Variants in FAR1 observed in about 807,000 individuals in gnomAD.
FAR1 encodes the protein fatty acyl-CoA reductase 1.
A neutral mutation model predicts 61.1 loss-of-function variants in FAR1; 22 were observed. The observed-to-expected ratio is 0.36, with a 90% CI of 0.26 to 0.51. The LOEUF (loss-of-function observed/expected upper bound fraction) is 0.51. Ranked by LOEUF, FAR1 falls within the 20% of genes least tolerant of loss-of-function variation. The probability of loss-of-function intolerance (pLI) is 0.95; values close to 1 mark genes in which losing one functional copy is unlikely to be tolerated. For missense variants in FAR1, 359 were observed against 626.9 expected (o/e 0.57, Z 4.56); for synonymous variants, 206 against 209.7 (o/e 0.98, Z 0.15).
Position 13,686,428 on chromosome 11 carries a change from A to T in FAR1, c.-7-8331A>T, listed in dbSNP as rs990253466. On this transcript the variant is annotated intron_variant, in intron 1 of 11. Transcript: ENST00000354817. Reference sequence around the variant, plus strand: ...GTATCTGAAATAATCAGCTAACATTATGTTAAAAGTTTTAATTAATTTGAG... The same window carrying T: ...GTATCTGAAATAATCAGCTAACATTTTGTTAAAAGTTTTAATTAATTTGAG... 3 of 152,312 alleles carry T rather than the reference A, an allele frequency of 2.0e-5. No homozygotes were observed. In the South Asian group the frequency reaches 6.2e-4, roughly 32 times the overall value. 9.4% of individuals were successfully genotyped at this position (152,312 alleles called of 1,614,324 possible).
intron 9 of FAR1, among the ~76,000 whole-genome samples, chr11:13,718,404 C>T (rs189176982): frequency 6.4e-4 from 97 of 152,188 alleles, no homozygotes; most frequent in Non-Finnish European, 1.1e-3. Context: ...TTCTATATTC[C>T]ATATAACCAG....
intron 10 of FAR1, chr11:13,723,362 C>CAAAAAAA (rs71313446): frequency 5.4e-5 from 14 of 259,992 alleles, no homozygotes; most frequent in Admixed American, 1.2e-4. Context: ...GAGAGTCTCT[C>CAAAAAAA]AAAAAAAAAA....
In FAR1 at chr11:13,721,877, G is replaced by C; in HGVS notation, c.1257+18G>C. ...ATAAAAAGGCAAGCAAGTATTTTCT[G>C]TTTTATATTAGAAAATAAGTAGCAT... On this transcript the variant is annotated intron_variant, in intron 10 of 11. Transcript: ENST00000354817. The surrounding 1 kb of genome is among the most constrained non-coding windows in gnomAD (Gnocchi z 4.2). 1 of 1,571,402 alleles carries C rather than the reference G, an allele frequency of 6.4e-7. No individual in the cohort carries two copies. The highest frequency in any genetic ancestry group is 2.3e-5 in the East Asian group (1 of 43,828).
chr11:13,700,721 T>G (rs1848361657), intron 3 of FAR1, among the ~76,000 whole-genome samples: 1 of 152,128 alleles, frequency 6.6e-6, no homozygotes, highest in African/African-American at 2.4e-5. Flanking sequence ...GCCATGAATT[T>G]AAACATGCAA....
At position 13,721,563 on chromosome 11, in the gene FAR1, A is replaced by T; in HGVS notation, c.1128-167A>T. ...TGGATTTATAAATTGTTCATCCAAG[A>T]TGCAGAAATAGTCTTATTCCCTGCT... On this transcript the variant is annotated intron_variant, in intron 9 of 11. Transcript: ENST00000354817. This position sits in a 1 kb window ranked among gnomAD's most constrained non-coding sequence, Gnocchi z 4.2. The T allele has an allele frequency of 1.8e-6, 1 of 541,744 alleles. No homozygotes were observed. The highest frequency in any genetic ancestry group is 3.1e-6 in the Non-Finnish European group (1 of 322,420). 33.6% of individuals were successfully genotyped at this position (541,744 alleles called of 1,614,324 possible). A position where few individuals can be genotyped will look rare whatever the true frequency, so the allele number is the denominator to read the frequency against.
chr11:13,718,483 A>G (rs1848577099), intron 9 of FAR1, among the ~76,000 whole-genome samples: 1 of 152,158 alleles, frequency 6.6e-6, no homozygotes, highest in Non-Finnish European at 1.5e-5. Context: ...TAAGGCTTCC[A>G]TTAATAATGT....
At chr11:13,687,691 T>C (rs1848202763) in intron 1 of FAR1, among the ~76,000 whole-genome samples, 1 of 152,184 alleles carries the variant, frequency 6.6e-6, no homozygotes, top group South Asian at 2.1e-4. Flanking sequence ...CTTTTCAAAT[T>C]AGTGCGGCTT....
chr11:13,720,388 A>C (rs985007918), intron 9 of FAR1: 2 of 152,140 alleles, frequency 1.3e-5, no homozygotes, highest in Non-Finnish European at 2.9e-5. Flanking sequence ...ATAATCACCT[A>C]ATCTTTTCTA....
intron 1 of FAR1, among the ~76,000 whole-genome samples, chr11:13,688,278 A>T (rs1051806462): frequency 6.6e-6 from 1 of 151,790 alleles, no homozygotes; most frequent in African/African-American, 2.4e-5. Context: ...TGTGTAAGTC[A>T]TTATAGTAGT....
At chr11:13,722,843 CCTCT>C (rs140943706) in intron 10 of FAR1, among the ~76,000 whole-genome samples, 1 of 143,086 alleles carries the variant, frequency 7.0e-6, no homozygotes, top group African/African-American at 2.6e-5. Flanking sequence ...TAGATTTCTC[CCTCT>C]CTCTCTCTCT....
chr11:13,729,864 G>A lies in FAR1; in HGVS notation c.*1090G>A, dbSNP rs1848705151. ...AATAAAATAATGCTTAAGATAATGT[G>A]TACGAAATTAAATAAAGGACTTTAT... On this transcript the variant is annotated 3_prime_UTR_variant, in exon 12 of 12. Coordinates refer to ENST00000354817, the MANE Select transcript of FAR1 (RefSeq NM_032228.6). 6.6e-6 allele frequency: 1 copy of A among 152,378 alleles called. No individual in the cohort carries two copies. The highest frequency in any genetic ancestry group is 1.5e-5 in the Non-Finnish European group (1 of 67,886). The allele number at this position is 152,378 out of a possible 1,614,324, so 9.4% of individuals were successfully genotyped here.
intron 1 of FAR1, among the ~76,000 whole-genome samples, chr11:13,691,143 C>T (rs773470801): frequency 1.4e-4 from 22 of 152,186 alleles, no homozygotes; most frequent in Admixed American, 6.5e-5. Flanking sequence ...CTGATGAGAG[C>T]TGCTCCCTGC....
In FAR1 at chr11:13,731,375, T is replaced by C. The variant is rs568513006; in HGVS notation, c.*2601T>C. 1 of 152,646 alleles carries C rather than the reference T, an allele frequency of 6.6e-6. No individual in the cohort carries two copies. The highest frequency in any genetic ancestry group is 1.5e-5 in the Non-Finnish European group (1 of 67,984). The allele number at this position is 152,646 out of a possible 1,614,324, so 9.5% of individuals were successfully genotyped here. A position where few individuals can be genotyped will look rare whatever the true frequency, so the allele number is the denominator to read the frequency against. On this transcript the variant is annotated 3_prime_UTR_variant, in exon 12 of 12. Coordinates refer to ENST00000354817, the MANE Select transcript of FAR1 (RefSeq NM_032228.6). The stretch of plus-strand genomic sequence containing the variant: ...GTTGTCTATAGGAATTAACTTGGGA[T>C]TGTTTTGTGGGTTTTTGTTTGTTTT...
At chr11:13,705,926 T>C (rs1347726460) in intron 3 of FAR1, among the ~76,000 whole-genome samples, 1 of 152,194 alleles carries the variant, frequency 6.6e-6, no homozygotes, top group Non-Finnish European at 1.5e-5. Context: ...CCCCATTGTT[T>C]TGCAAATGTG....
At position 13,676,297 on chromosome 11, in the gene FAR1, A is replaced by G. The variant is rs184071833; in HGVS notation, c.-8+7491A>G. Among the ~76,000 whole-genome samples the G allele has an allele frequency of 1.4e-3, 220 of 152,340 alleles. 1 individual carries two copies. Among genetic ancestry groups the G allele is most frequent in the African/African-American group, 5.1e-3 (212 of 41,592 alleles). ...TTTCACTAAAGATTTTGGAATAAGCATGTGGTACTTTATTTATGGCTCCTG... is the reference window on the plus strand; with the variant it reads ...TTTCACTAAAGATTTTGGAATAAGCGTGTGGTACTTTATTTATGGCTCCTG... On this transcript the variant is annotated intron_variant, in intron 1 of 11. Transcript: ENST00000354817.
intron 1 of FAR1, among the ~76,000 whole-genome samples, chr11:13,688,674 C>G (rs1314062171): frequency 6.6e-6 from 1 of 152,016 alleles, no homozygotes; most frequent in Non-Finnish European, 1.5e-5. Context: ...AAATAAAGCT[C>G]AAAGAATTAG....
chr11:13,714,916 CT>C (rs1422803522), intron 9 of FAR1, among the ~76,000 whole-genome samples: 2 of 152,156 alleles, frequency 1.3e-5, no homozygotes, highest in Non-Finnish European at 2.9e-5. Flanking sequence ...CTAAGTCTTA[CT>C]TTAGGCTTCT....
chr11:13,711,978 A>G lies in FAR1; in HGVS notation c.819A>G (p.Ala273=). 1 of 1,613,468 alleles carries G rather than the reference A, an allele frequency of 6.2e-7. No individual in the cohort carries two copies. The highest frequency in any genetic ancestry group is 8.5e-7 in the Non-Finnish European group (1 of 1,179,546). ...TACGTGCCTCCAACAATGCCCTTGC[A>G]GATCTTGTTCCTGTAGATGTAGTTG... The part of the protein sequence containing the change: ...RTIRASNNAL[A]DLVPVDVVVN... Residue 273 remains alanine, a synonymous_variant, in exon 7 of 12, where the codon GCA becomes GCG. Transcript: ENST00000354817.
In FAR1 at chr11:13,695,224, A is replaced by G. The variant is rs1217097977; in HGVS notation, c.189+270A>G. Among the ~76,000 whole-genome samples the G allele has an allele frequency of 1.4e-3, 220 of 152,238 alleles. 1 individual carries two copies. The highest frequency in any genetic ancestry group is 5.1e-3 in the African/African-American group (212 of 41,480). On this transcript the variant is annotated intron_variant, in intron 2 of 11. Coordinates refer to ENST00000354817, the MANE Select transcript of FAR1 (RefSeq NM_032228.6). The stretch of plus-strand genomic sequence containing the variant: ...GGTATTTAAAGTATGTTTTTAGAAC[A>G]TTTGAGGCAGGTTGTTTGTAACTAC...
Sources: allele counts gnomAD v4.1 joint callset (sites outside exome capture counted in the v4.1 genomes callset), GRCh38; gene constraint gnomAD v4.1.1; non-coding constraint Gnocchi (gnomAD v3.1); transcripts MANE v1.5; gene names NCBI Gene and HGNC (gene_info 2026-07-23, HGNC 2026-07-21).